The following USH2A variants were observed in gnomAD, a reference collection of about 807,000 sequenced individuals.
USH2A encodes the protein Usher syndrome 2A (autosomal recessive, mild).
A neutral mutation model predicts 538.9 loss-of-function variants in USH2A; 443 were observed. That is an observed-to-expected ratio of 0.82 (90% CI 0.76 to 0.89). The LOEUF (loss-of-function observed/expected upper bound fraction) is 0.89. USH2A is among the 40% of genes least tolerant of loss of function. The pLI, the probability that USH2A is intolerant of heterozygous loss-of-function variation, is 0.00. For synonymous variants in USH2A, 2,413 were observed against 2,273.5 expected, an observed-to-expected ratio of 1.06 and a Z score of -1.75; for missense variants, 6,633 against 6,324.8, an observed-to-expected ratio of 1.05 and a Z score of -1.65.
intron 34 of USH2A, among the ~76,000 whole-genome samples, chr1:215,995,433 A>T (rs1001643372): frequency 6.6e-6 from 1 of 152,198 alleles, no homozygotes; most frequent in Non-Finnish European, 1.5e-5. Flanking sequence ...GGATGCATTT[A>T]GAGGGTCCTA....
intron 4 of USH2A, among the ~76,000 whole-genome samples, chr1:216,328,769 G>A (rs11120761): frequency 0.03 from 4,515 of 151,986 alleles, 215 homozygotes; most frequent in African/African-American, 0.1. Context: ...AAACTCACAA[G>A]CAAAGTGTGA....
chr1:215,781,078 G>A (rs1218325798), intron 54 of USH2A, among the ~76,000 whole-genome samples: 1 of 152,062 alleles, frequency 6.6e-6, no homozygotes, highest in Non-Finnish European at 1.5e-5. Flanking sequence ...TTCTTTGTGG[G>A]CTTTTCTTTC....
chr1:216,132,112 A>G (rs1398072120), intron 21 of USH2A, among the ~76,000 whole-genome samples: 2 of 152,084 alleles, frequency 1.3e-5, no homozygotes, highest in Non-Finnish European at 2.9e-5. Flanking sequence ...ATGATATAAT[A>G]TTTATCTTAT....
rs554871177 is a variant in USH2A, at chr1:215,691,262, C to T, written c.12067-10886G>A. ...TGGACACAAGTCAGATCATGTCACTCCTCTGCTCAAAACCCTGTTCTAGTT... is the reference window on the plus strand; with the variant it reads ...TGGACACAAGTCAGATCATGTCACTTCTCTGCTCAAAACCCTGTTCTAGTT... On this transcript the variant is annotated intron_variant, in intron 61 of 71. Coordinates refer to ENST00000307340, the MANE Select transcript of USH2A (RefSeq NM_206933.4). Among the ~76,000 whole-genome samples the T allele has an allele frequency of 2.6e-5, 4 of 152,230 alleles. No individual in the cohort carries two copies. The South Asian group carries it at 8.3e-4, about 32-fold the overall frequency.
chr1:215,928,300 G>A (rs1666286476), intron 38 of USH2A, among the ~76,000 whole-genome samples: 1 of 151,840 alleles, frequency 6.6e-6, no homozygotes, highest in South Asian at 2.1e-4. Flanking sequence ...TCTTTATACT[G>A]AAATAAAACA....
intron 12 of USH2A, 57 bp downstream of exon 12, chr1:216,250,846 G>T (rs375126104): frequency 3.8e-6 from 6 of 1,573,136 alleles, no homozygotes; most frequent in Non-Finnish European, 4.3e-6. Context: ...ATCAAATAGA[G>T]AATTTTATTC....
chr1:215,706,879 G>A (rs1310616592), intron 61 of USH2A, among the ~76,000 whole-genome samples: 1 of 152,022 alleles, frequency 6.6e-6, no homozygotes, highest in African/African-American at 2.4e-5. Context: ...TTGATTATCT[G>A]CTTTTATTTG....
In USH2A at chr1:216,076,452, C is replaced by T. The variant is rs375737372; in HGVS notation, c.5572+1637G>A. Among the ~76,000 whole-genome samples the T allele has an allele frequency of 4.6e-5, 7 of 152,082 alleles. No individual in the cohort carries two copies. The East Asian group carries it at 9.7e-4, about 21-fold the overall frequency. The stretch of plus-strand genomic sequence containing the variant: ...GTTTTAGCCACGTCTTTAGGACCAT[C>T]AATAGTAATGGGTTTAGGGGTAATT... On this transcript the variant is annotated intron_variant, in intron 27 of 71. Coordinates refer to ENST00000307340, the MANE Select transcript of USH2A (RefSeq NM_206933.4).
intron 40 of USH2A, among the ~76,000 whole-genome samples, chr1:215,890,952 T>C (rs191589556): frequency 2.5e-3 from 379 of 152,290 alleles, no homozygotes; most frequent in African/African-American, 8.6e-3. Context: ...AAAATCAGAA[T>C]ATTTTTTATT....
intron 15 of USH2A, among the ~76,000 whole-genome samples, chr1:216,213,218 G>T (rs539457994): frequency 1.3e-5 from 2 of 152,024 alleles, no homozygotes; most frequent in Non-Finnish European, 2.9e-5. Flanking sequence ...TGCTGAATTT[G>T]TTTACTAGCT....
At chr1:215,926,827 C>A (rs1666250404) in intron 38 of USH2A, among the ~76,000 whole-genome samples, 1 of 151,864 alleles carries the variant, frequency 6.6e-6, no homozygotes, top group African/African-American at 2.4e-5. Context: ...AGGCTGGTCT[C>A]GAACTCCCAA....
intron 21 of USH2A, among the ~76,000 whole-genome samples, chr1:216,117,474 T>A (rs1274244864): frequency 6.6e-6 from 1 of 152,178 alleles, no homozygotes. Flanking sequence ...TGGGAATTAA[T>A]AAGTATTAAC....
chr1:216,086,714 C>T lies in USH2A; in HGVS notation c.4987+5G>A. 1.2e-6 allele frequency: 2 copies of T among 1,608,162 alleles called. No individual in the cohort carries two copies. Among genetic ancestry groups the T allele is most frequent in the East Asian group, 4.5e-5 (2 of 44,804 alleles). ...ACAACATATAATATACCTTACTAAA[C>T]TCACCAGGATCCTTCCTGAGGATGG... On this transcript the variant is annotated splice_donor_5th_base_variant and intron_variant, in intron 24 of 71. Transcript: ENST00000307340.
intron 21 of USH2A, among the ~76,000 whole-genome samples, chr1:216,143,854 A>T (rs2033644865): frequency 1.3e-5 from 2 of 152,300 alleles, no homozygotes; most frequent in African/African-American, 4.8e-5. Context: ...GAAAATATGA[A>T]ATGACATGGC....
intron 61 of USH2A, among the ~76,000 whole-genome samples, chr1:215,691,204 A>AAT (rs34551266): frequency 0.35 from 52,453 of 151,782 alleles, 9,903 homozygotes; most frequent in East Asian, 0.51. Context: ...TTTAACCTTA[A>AAT]ATCCTCATTG....
intron 35 of USH2A, among the ~76,000 whole-genome samples, chr1:215,985,348 A>T (rs1299632982): frequency 1.3e-5 from 2 of 152,212 alleles, no homozygotes; most frequent in Non-Finnish European, 2.9e-5. Context: ...GTTTTCATAC[A>T]GCTAGATTAA....
At chr1:215,882,231 G>A (rs1664929065) in intron 41 of USH2A, among the ~76,000 whole-genome samples, 1 of 152,168 alleles carries the variant, frequency 6.6e-6, no homozygotes, top group Non-Finnish European at 1.5e-5. Flanking sequence ...AATGTGATGA[G>A]ACAATCCTTG....
intron 15 of USH2A, among the ~76,000 whole-genome samples, chr1:216,215,506 T>G (rs1237000517): frequency 6.6e-6 from 1 of 152,230 alleles, no homozygotes; most frequent in East Asian, 1.9e-4. Context: ...TCCCACCATT[T>G]ACATTTTTCT....
intron 11 of USH2A, among the ~76,000 whole-genome samples, chr1:216,286,024 T>TGGACTTGA (rs906060959): frequency 9.2e-5 from 14 of 152,320 alleles, no homozygotes; most frequent in Middle Eastern, 6.8e-3. Context: ...GATGAGACTT[T>TGGACTTGA]GGACTTGAAC....
Sources: allele counts gnomAD v4.1 joint callset (sites outside exome capture counted in the v4.1 genomes callset), GRCh38; gene constraint gnomAD v4.1.1; transcripts MANE v1.5; gene names NCBI Gene and HGNC (gene_info 2026-07-23, HGNC 2026-07-21).